PRX: variants seen among roughly 807,000 people sequenced by gnomAD.
The protein encoded by PRX is periaxin.
A neutral mutation model predicts 29.6 loss-of-function variants in PRX; 24 were observed. The observed-to-expected ratio is 0.81, with a 90% CI of 0.59 to 1.14. PRX has a LOEUF of 1.14. Ranked by LOEUF, PRX falls within the 50% of genes most tolerant of loss-of-function variation. The probability of loss-of-function intolerance (pLI) is 0.00; values close to 1 mark genes in which losing one functional copy is unlikely to be tolerated. For missense variants in PRX, 1,838 were observed against 1,926.4 expected, an observed-to-expected ratio of 0.95 and a Z score of 0.86; for synonymous variants, 772 against 831.7, an observed-to-expected ratio of 0.93 and a Z score of 1.24.
Position 40,403,695 on chromosome 19 carries a change from G to T in PRX, c.184+11C>A. ...CAGTTCGACCCCGCCCCACACCCCGGGCCCGCCCACCTTCCTGCAGGCTGA... is the reference window on the plus strand; with the variant it reads ...CAGTTCGACCCCGCCCCACACCCCGTGCCCGCCCACCTTCCTGCAGGCTGA... On this transcript the variant is annotated intron_variant, in intron 5 of 6. Transcript: ENST00000324001. The T allele has an allele frequency of 6.5e-7, 1 of 1,543,234 alleles. No individual in the cohort carries two copies.
At position 40,398,965 on chromosome 19, in the gene PRX, C is replaced by G; in HGVS notation, c.185-149G>C. 6.8e-7 allele frequency: 1 copy of G among 1,479,804 alleles called. No homozygotes were observed. The highest frequency in any genetic ancestry group is 9.0e-7 in the Non-Finnish European group (1 of 1,109,776). 91.7% of individuals were successfully genotyped at this position (1,479,804 alleles called of 1,614,324 possible). On this transcript the variant is annotated intron_variant, in intron 5 of 6. Transcript: ENST00000324001. The surrounding 1 kb of genome is among the most constrained non-coding windows in gnomAD (Gnocchi z 6.3). ...CCAGCGCAGGATTAAGTCGCAGTTA[C>G]GCTAGTCCCCGCCCCATGACCTTAT...
chr19:40,394,095 G>C lies in PRX; in HGVS notation c.4257C>G (p.Pro1419=), dbSNP rs747480005. The C allele has an allele frequency of 1.9e-6, 3 of 1,609,732 alleles. No individual in the cohort carries two copies. In the East Asian group the frequency reaches 6.7e-5, roughly 36 times the overall value. Residue 1419 remains proline (P), a synonymous_variant, in exon 7 of 7, where the codon CCC becomes CCG. Coordinates refer to ENST00000324001, the MANE Select transcript of PRX (RefSeq NM_181882.3). This position sits in a 1 kb window ranked among gnomAD's most constrained non-coding sequence, Gnocchi z 5.8. ...KFRFPRVSLS[P]KARSGSGDQE... ...GGTCCCCACTCCCACTCCGGGCCTT[G>C]GGGCTTAGGGACACCCTGGGGAAGC...
At chr19:40,414,590 G>C (rs2079572714), upstream of PRX, among the ~76,000 whole-genome samples, 1 of 152,098 alleles carries the variant, frequency 6.6e-6, no homozygotes, top group Non-Finnish European at 1.5e-5. Context: ...GCAGGTCATT[G>C]GCAGGGGTCC....
chr19:40,403,732 G>C lies in PRX; in HGVS notation c.158C>G (p.Ala53Gly), dbSNP rs753322071. The C allele has an allele frequency of 6.4e-7, 1 of 1,566,802 alleles. No homozygotes were observed. The highest frequency in any genetic ancestry group is 1.2e-5 in the South Asian group (1 of 85,596). Residue 53 changes from alanine (A) to glycine (G), a missense_variant, in exon 5 of 7, where the codon GCC (alanine) becomes GGC (glycine). Coordinates refer to ENST00000324001, the MANE Select transcript of PRX (RefSeq NM_181882.3). ...FVRELREDSP[A>G]ARSLSLQEGD... Reference sequence around the variant, plus strand: ...TTCCTGCAGGCTGAGGCTCCTGGCGGCGGGTGAGTCCTCGCGCAGCTCCCG... The same window carrying C: ...TTCCTGCAGGCTGAGGCTCCTGGCGCCGGGTGAGTCCTCGCGCAGCTCCCG...
chr19:40,394,821 T>C lies in PRX; in HGVS notation c.3531A>G (p.Ala1177=), dbSNP rs1465687338. The part of the protein sequence containing the change: ...GQQAQSTVPS[A]EGTAGYRVQV... Reference sequence around the variant, plus strand: ...GAACCCTGTAGCCTGCTGTGCCCTCTGCTGAAGGGACTGTACTCTGAGCCT... The same window carrying C: ...GAACCCTGTAGCCTGCTGTGCCCTCCGCTGAAGGGACTGTACTCTGAGCCT... Residue 1177 remains alanine (A), a synonymous_variant, in exon 7 of 7, where the codon GCA becomes GCG. Coordinates refer to ENST00000324001, the MANE Select transcript of PRX (RefSeq NM_181882.3). This position sits in a 1 kb window ranked among gnomAD's most constrained non-coding sequence, Gnocchi z 5.8. 1.2e-6 allele frequency: 2 copies of C among 1,613,360 alleles called. No homozygotes were observed. The highest frequency in any genetic ancestry group is 1.7e-6 in the Non-Finnish European group (2 of 1,180,006).
intron 5 of PRX, among the ~76,000 whole-genome samples, chr19:40,401,806 C>T (rs1461123724): frequency 3.4e-5 from 5 of 146,680 alleles, no homozygotes; most frequent in African/African-American, 5.0e-5. Flanking sequence ...TTTGCTCTTT[C>T]GCCCAGGCTG....
chr19:40,394,262 C>T lies in PRX; in HGVS notation c.4090G>A (p.Gly1364Arg), dbSNP rs1481896317. The T allele has an allele frequency of 5.0e-6, 8 of 1,611,836 alleles. No homozygotes were observed. Among genetic ancestry groups the T allele is most frequent in the African/African-American group, 1.3e-5 (1 of 74,964 alleles). Residue 1364 changes from glycine to arginine, a missense_variant, in exon 7 of 7, where the codon GGG becomes AGG. This residue lies in a region of PRX where 1,143 missense variants were observed against 1,193.0 expected (regional missense o/e 0.96). Coordinates refer to ENST00000324001, the MANE Select transcript of PRX (RefSeq NM_181882.3). This position sits in a 1 kb window ranked among gnomAD's most constrained non-coding sequence, Gnocchi z 5.8. ...CCCCGGCGACCCGAGGCCCCTTCCC[C>T]ACTGCCCTCTTCCTCCTCCTCCTCC... The part of the protein sequence containing the change: ...EEEEEEEEGS[G>R]EGASGRRGRV...
chr19:40,396,319 A>C lies in PRX; in HGVS notation c.2033T>G (p.Val678Gly). 1 of 1,611,104 alleles carries C rather than the reference A, an allele frequency of 6.2e-7. No homozygotes were observed. Among genetic ancestry groups the C allele is most frequent in the Non-Finnish European group, 8.5e-7 (1 of 1,179,640 alleles). ...PKMPEMAVPE[V>G]RLPEVQLPKV... ...TGGCAGCTGCACCTCGGGGAGTCGAACCTCTGGCACAGCCATCTCAGGCAT... is the reference window on the plus strand; with the variant it reads ...TGGCAGCTGCACCTCGGGGAGTCGACCCTCTGGCACAGCCATCTCAGGCAT... The change falls in exon 7 of 7, where the codon GTT becomes GGT. Residue 678 changes from valine (V) to glycine (G), a missense_variant. Physicochemically the swap from Val to Gly is moderately radical, Grantham distance 109. This residue lies in a region of PRX where 1,143 missense variants were observed against 1,193.0 expected (regional missense o/e 0.96). Transcript: ENST00000324001.
chr19:40,395,478 C>T lies in PRX; in HGVS notation c.2874G>A (p.Lys958=). 1 of 1,614,084 alleles carries T rather than the reference C, an allele frequency of 6.2e-7. No individual in the cohort carries two copies. The highest frequency in any genetic ancestry group is 8.5e-7 in the Non-Finnish European group (1 of 1,180,006). ...GGAGTGAGATGGCAAATTTGGATACCTTCAGCTTGGTAGCTCGCCCAGCCC... is the reference window on the plus strand; with the variant it reads ...GGAGTGAGATGGCAAATTTGGATACTTTCAGCTTGGTAGCTCGCCCAGCCC... The part of the protein sequence containing the change: ...AEGAGRATKL[K]VSKFAISLPK... The change falls in exon 7 of 7, where the codon AAG becomes AAA. Residue 958 remains lysine, a synonymous_variant. Coordinates refer to ENST00000324001, the MANE Select transcript of PRX (RefSeq NM_181882.3).
chr19:40,412,000 A>G (rs2079560553), intron 1 of PRX, among the ~76,000 whole-genome samples: 1 of 152,192 alleles, frequency 6.6e-6, no homozygotes, highest in African/African-American at 2.4e-5. Context: ...AGTGGGTACA[A>G]CTGAGATATC....
chr19:40,398,276 G>T lies in PRX; in HGVS notation c.382-306C>A. 7.1e-7 allele frequency: 1 copy of T among 1,414,862 alleles called. No homozygotes were observed. Among genetic ancestry groups the T allele is most frequent in the South Asian group, 1.6e-5 (1 of 62,392 alleles). 87.6% of individuals were successfully genotyped at this position (1,414,862 alleles called of 1,614,324 possible). On this transcript the variant is annotated intron_variant, in intron 6 of 6. Transcript: ENST00000324001. The surrounding 1 kb of genome is among the most constrained non-coding windows in gnomAD (Gnocchi z 6.3). ...ATGGGGAAACTGAGGCCCAGGGAGA[G>T]AAACAACTTTGTCCAGGGCCACTCA... is the stretch of plus-strand genomic sequence containing the variant.
At position 40,395,250 on chromosome 19, in the gene PRX, C is replaced by T. The variant is rs774688060; in HGVS notation, c.3102G>A (p.Glu1034=). ...CCACCCCTGGCACTAGTTCTGCTGC[C>T]TCAGTGTCCCGGCCTCTGACCCCAA... ...PKFGVRGRDT[E]AAELVPGVAE... The change falls in exon 7 of 7, where the codon GAG becomes GAA. Residue 1034 remains glutamate, a synonymous_variant. Transcript: ENST00000324001. The T allele has an allele frequency of 6.8e-6, 11 of 1,614,094 alleles. No individual in the cohort carries two copies. The highest frequency in any genetic ancestry group is 9.3e-6 in the Non-Finnish European group (11 of 1,180,028).
In PRX at chr19:40,394,322, C is replaced by G; in HGVS notation, c.4030G>C (p.Val1344Leu). 6.2e-7 allele frequency: 1 copy of G among 1,609,952 alleles called. No individual in the cohort carries two copies. The highest frequency in any genetic ancestry group is 1.1e-5 in the South Asian group (1 of 90,590). Residue 1344 changes from valine to leucine, a missense_variant, in exon 7 of 7, where the codon GTC (valine) becomes CTC (leucine). Physicochemically the swap from Val to Leu is conservative, Grantham distance 32. This residue lies in a region of PRX where 1,143 missense variants were observed against 1,193.0 expected (regional missense o/e 0.96). Transcript: ENST00000324001. This position sits in a 1 kb window ranked among gnomAD's most constrained non-coding sequence, Gnocchi z 5.8. The stretch of plus-strand genomic sequence containing the variant: ...GGGCTGGGGGACCCTTCCCCAGTGA[C>G]CATCTCACTTTGGCTGAAGCCCACT... ...PRVGFSQSEM[V>L]TGEGSPSPEE...
rs1482198209 is a variant in PRX, at chr19:40,396,026, G to A, written c.2326C>T (p.Leu776=). 3 of 1,614,036 alleles carry A rather than the reference G, an allele frequency of 1.9e-6. No individual in the cohort carries two copies. The highest frequency in any genetic ancestry group is 2.5e-6 in the Non-Finnish European group (3 of 1,180,036). ...VHLPKAPEVK[L]PRAPEVQLKA... Reference sequence around the variant, plus strand: ...AGCTGCACCTCCGGAGCCCTGGGCAGCTTCACCTCTGGTGCCTTCGGAAGA... The same window carrying A: ...AGCTGCACCTCCGGAGCCCTGGGCAACTTCACCTCTGGTGCCTTCGGAAGA... The change falls in exon 7 of 7, where the codon CTG becomes TTG. Residue 776 remains leucine, a synonymous_variant. Coordinates refer to ENST00000324001, the MANE Select transcript of PRX (RefSeq NM_181882.3).
chr19:40,407,962 G>C lies in PRX; in HGVS notation c.-30C>G, dbSNP rs1481582461. The C allele has an allele frequency of 1.9e-6, 3 of 1,613,444 alleles. No homozygotes were observed. The highest frequency in any genetic ancestry group is 3.3e-5 in the Admixed American group (2 of 60,008). On this transcript the variant is annotated 5_prime_UTR_variant, in exon 4 of 7. Coordinates refer to ENST00000324001, the MANE Select transcript of PRX (RefSeq NM_181882.3). ...TTGCTGGGAGGCACCTGCACCCCAG[G>C]CTCCTGTGTCCTCTCCCCTTTCTGC...
In PRX at chr19:40,394,930, G is replaced by T; in HGVS notation, c.3422C>A (p.Ala1141Glu). The T allele has an allele frequency of 6.2e-7, 1 of 1,609,342 alleles. No individual in the cohort carries two copies. Among genetic ancestry groups the T allele is most frequent in the African/African-American group, 1.3e-5 (1 of 74,998 alleles). ...GCCCAGCGGAGGCATCCTCAGCCCCGCGTCATGGCCCTCAGTGACCACCTG... is the reference window on the plus strand; with the variant it reads ...GCCCAGCGGAGGCATCCTCAGCCCCTCGTCATGGCCCTCAGTGACCACCTG... Reference protein sequence around the residue: ...AGQVVTEGHDAGLRMPPLGIS... With the variant: ...AGQVVTEGHDEGLRMPPLGIS... The change falls in exon 7 of 7, where the codon GCG (alanine) becomes GAG (glutamate). Residue 1141 changes from alanine to glutamate, a missense_variant. Transcript: ENST00000324001. This position sits in a 1 kb window ranked among gnomAD's most constrained non-coding sequence, Gnocchi z 5.8.
At chr19:40,410,262 C>G (rs1225053381) in intron 1 of PRX, among the ~76,000 whole-genome samples, 1 of 152,194 alleles carries the variant, frequency 6.6e-6, no homozygotes, top group African/African-American at 2.4e-5. Context: ...GCATGCCAAC[C>G]CGCCAACCCC....
At chr19:40,414,145 C>G (rs1010975517), upstream of PRX, among the ~76,000 whole-genome samples, 1 of 151,984 alleles carries the variant, frequency 6.6e-6, no homozygotes, top group Non-Finnish European at 1.5e-5. Context: ...TTTTTTGAGA[C>G]AAGGTCTCAC....
At position 40,397,637 on chromosome 19, in the gene PRX, G is replaced by A; in HGVS notation, c.715C>T (p.Pro239Ser). The A allele has an allele frequency of 1.9e-6, 3 of 1,544,676 alleles. No individual in the cohort carries two copies. The highest frequency in any genetic ancestry group is 2.6e-6 in the Non-Finnish European group (3 of 1,150,800). ...FTAPQVELVG[P>S]RLPGAEVGVP... ...CCCACCTCCGCCCCTGGCAGCCGCG[G>A]CCCAACCAGCTCCACCTGAGGGGCT... The change falls in exon 7 of 7, where the codon CCG (proline) becomes TCG (serine). Residue 239 changes from proline to serine, a missense_variant. Physicochemically the swap from Pro to Ser is moderately conservative, Grantham distance 74. Transcript: ENST00000324001.
Sources: gnomAD v4.1 joint callset for allele counts (sites outside exome capture counted in the v4.1 genomes callset) on GRCh38, gnomAD v4.1.1 for gene constraint, gnomAD v4.1.1 regional missense constraint, Gnocchi (gnomAD v3.1) non-coding constraint, MANE v1.5 for transcripts, NCBI Gene and HGNC (gene_info 2026-07-23, HGNC 2026-07-21) for gene names.